The following ROR2 variants were observed in gnomAD, a reference collection of about 807,000 sequenced individuals.
ROR2 encodes ROR family WNT receptor 2.
ROR2 carries 33 observed loss-of-function variants against 74.9 expected under a neutral mutation model. The observed-to-expected ratio is 0.44, with a 90% CI of 0.33 to 0.59. ROR2 has a LOEUF of 0.59. ROR2 is among the 20% of genes least tolerant of loss of function. The pLI, the probability that ROR2 is intolerant of heterozygous loss-of-function variation, is 0.02. For synonymous variants in ROR2, 586 were observed against 558.7 expected, an observed-to-expected ratio of 1.05 and a Z score of -0.69; for missense variants, 1,216 against 1,313.8, an observed-to-expected ratio of 0.93 and a Z score of 1.15.
chr9:91,873,808 G>A (rs73519110), intron 1 of ROR2, among the ~76,000 whole-genome samples: 4,566 of 152,230 alleles, frequency 0.03, 166 homozygotes, highest in Middle Eastern at 0.092. Context: ...GTCCGAAGCC[G>A]TGTTCTACAT....
intron 4 of ROR2, among the ~76,000 whole-genome samples, chr9:91,740,545 C>T (rs1395567026): frequency 6.9e-6 from 1 of 144,414 alleles, no homozygotes; most frequent in East Asian, 2.0e-4. Context: ...AAGCAAGACT[C>T]TGTTTCGGGC....
At chr9:91,771,632 A>G (rs989524609) in intron 2 of ROR2, among the ~76,000 whole-genome samples, 1 of 152,166 alleles carries the variant, frequency 6.6e-6, no homozygotes, top group African/African-American at 2.4e-5. Flanking sequence ...TCATCTGTAA[A>G]TCACAACATC....
intron 1 of ROR2, among the ~76,000 whole-genome samples, chr9:91,904,518 C>T (rs1217987163): frequency 6.6e-6 from 1 of 152,242 alleles, no homozygotes; most frequent in Non-Finnish European, 1.5e-5. Context: ...CATCCAGTCA[C>T]AGCCTGGAGA....
chr9:91,928,338 C>A (rs559729271), intron 1 of ROR2, among the ~76,000 whole-genome samples: 1 of 152,162 alleles, frequency 6.6e-6, no homozygotes, highest in African/African-American at 2.4e-5. Flanking sequence ...TGAGGCCCTG[C>A]GTGGCATGGC....
In ROR2 at chr9:91,737,375, G is replaced by C. The variant is rs759143997; in HGVS notation, c.622+16C>G. ...TGCATGCTTATCATCCTGGGAGAAA[G>C]GTCTGCAGCTCCTACCTGTGATTCG... is the stretch of plus-strand genomic sequence containing the variant. On this transcript the variant is annotated intron_variant, in intron 5 of 8. Transcript: ENST00000375708. The C allele has an allele frequency of 4.3e-6, 7 of 1,613,942 alleles. No individual in the cohort carries two copies. Among genetic ancestry groups the C allele is most frequent in the Non-Finnish European group, 5.9e-6 (7 of 1,180,016 alleles).
chr9:91,767,629 C>T (rs1826100689), intron 2 of ROR2, among the ~76,000 whole-genome samples: 1 of 152,232 alleles, frequency 6.6e-6, no homozygotes, highest in Non-Finnish European at 1.5e-5. Context: ...AGGGAAGATA[C>T]TTCCAGGTTA....
At chr9:91,753,964 C>A (rs1391712842) in intron 4 of ROR2, among the ~76,000 whole-genome samples, 1 of 151,984 alleles carries the variant, frequency 6.6e-6, no homozygotes, top group African/African-American at 2.4e-5. Flanking sequence ...TGCTTTTAGA[C>A]CTTTTTTCAA....
chr9:91,838,454 G>A (rs1324110297), intron 1 of ROR2, among the ~76,000 whole-genome samples: 4 of 152,172 alleles, frequency 2.6e-5, no homozygotes, highest in Non-Finnish European at 4.4e-5. Context: ...GCCACGCCTG[G>A]TCACAGCCGC....
At chr9:91,840,243 T>G (rs1188658388) in intron 1 of ROR2, among the ~76,000 whole-genome samples, 6 of 152,166 alleles carry the variant, frequency 3.9e-5, no homozygotes, top group Non-Finnish European at 8.8e-5. Flanking sequence ...ACGTGTGACA[T>G]TAAAATGCCA....
At chr9:91,894,627 A>C (rs1252282121) in intron 1 of ROR2, among the ~76,000 whole-genome samples, 1 of 152,188 alleles carries the variant, frequency 6.6e-6, no homozygotes, top group African/African-American at 2.4e-5. Flanking sequence ...GAGTGCCCAA[A>C]ATATGCCCAG....
rs1198938109 is a variant in ROR2 at position 91,887,788 on chromosome 9, C to T, written c.97+62079G>A. On this transcript the variant is annotated intron_variant, in intron 1 of 8. Coordinates refer to ENST00000375708, the MANE Select transcript of ROR2 (RefSeq NM_004560.4). ...CTTCTCTCCATAACACTTTTTTTCTCTTTTTTTTTTTTTTTTTTTTTGAGA... is the reference window on the plus strand; with the variant it reads ...CTTCTCTCCATAACACTTTTTTTCTTTTTTTTTTTTTTTTTTTTTTTGAGA... Among the ~76,000 whole-genome samples, 36 of 100,674 alleles carry T rather than the reference C, an allele frequency of 3.6e-4. 1 individual carries two copies. The highest frequency in any genetic ancestry group is 5.8e-4 in the East Asian group (2 of 3,438). 66.0% of individuals were successfully genotyped at this position (100,674 alleles called of 152,430 possible).
chr9:91,734,450 A>G (rs543522765), intron 5 of ROR2, among the ~76,000 whole-genome samples: 38 of 152,318 alleles, frequency 2.5e-4, no homozygotes, highest in African/African-American at 8.7e-4. Flanking sequence ...GTTCAATCCC[A>G]TCATTACAGA....
chr9:91,907,072 CT>C (rs796434410), intron 1 of ROR2, among the ~76,000 whole-genome samples: 3 of 151,498 alleles, frequency 2.0e-5, no homozygotes, highest in South Asian at 2.1e-4. Flanking sequence ...TTTCATCTAT[CT>C]TTTTTTTTAA....
intron 4 of ROR2, among the ~76,000 whole-genome samples, chr9:91,743,872 T>C (rs1485531220): frequency 6.6e-6 from 1 of 152,210 alleles, no homozygotes; most frequent in Admixed American, 6.5e-5. Flanking sequence ...AATCACAATA[T>C]TGAAATGAAA....
intron 1 of ROR2, among the ~76,000 whole-genome samples, chr9:91,887,625 G>T (rs1248189156): frequency 6.6e-6 from 1 of 152,084 alleles, no homozygotes; most frequent in African/African-American, 2.4e-5. Flanking sequence ...GCCCTTATCT[G>T]AGGGGTTCTC....
chr9:91,851,845 G>A (rs1218575515), intron 1 of ROR2, among the ~76,000 whole-genome samples: 2 of 151,838 alleles, frequency 1.3e-5, no homozygotes, highest in African/African-American at 4.8e-5. Context: ...ATGTGGTAGT[G>A]CGCGCCTGTA....
intron 4 of ROR2, among the ~76,000 whole-genome samples, chr9:91,744,787 A>G (rs1430942167): frequency 2.0e-5 from 3 of 152,210 alleles, no homozygotes; most frequent in African/African-American, 7.2e-5. Context: ...AGAGGCAGAG[A>G]AGACAATGGC....
rs541759908 is a variant in ROR2 at position 91,905,421 on chromosome 9, C to T, written c.97+44446G>A. 6.6e-6 allele frequency among the ~76,000 whole-genome samples: 1 copy of T among 151,678 alleles called. No homozygotes were observed. The highest frequency in any genetic ancestry group is 1.9e-4 in the East Asian group (1 of 5,140). On this transcript the variant is annotated intron_variant, in intron 1 of 8. Transcript: ENST00000375708. This position sits in a 1 kb window ranked among gnomAD's most constrained non-coding sequence, Gnocchi z 5.3. The stretch of plus-strand genomic sequence containing the variant: ...AGAGACAAAAACTATACAAATGTCA[C>T]ATCACACAAAGATGACAACACAACC...
At chr9:91,804,525 TCTC>T (rs1289285023) in intron 1 of ROR2, among the ~76,000 whole-genome samples, 3 of 152,166 alleles carry the variant, frequency 2.0e-5, no homozygotes, top group Non-Finnish European at 2.9e-5. Flanking sequence ...TGCATGCTCA[TCTC>T]CTGAGGAGAG....
Sources: allele counts gnomAD v4.1 joint callset (sites outside exome capture counted in the v4.1 genomes callset), GRCh38; gene constraint gnomAD v4.1.1; non-coding constraint Gnocchi (gnomAD v3.1); transcripts MANE v1.5; gene names NCBI Gene and HGNC (gene_info 2026-07-23, HGNC 2026-07-21).